The following STK3 variants were observed in gnomAD, a reference collection of about 807,000 sequenced individuals.
STK3 encodes the protein serine/threonine kinase 3, also known as serine/threonine-protein kinase 3.
Under a neutral mutation model 58.0 loss-of-function variants are expected in STK3, and 41 were observed. The observed-to-expected ratio is 0.71, with a 90% CI of 0.55 to 0.92. The LOEUF is 0.92. Ranked by LOEUF, STK3 falls within the 40% of genes least tolerant of loss-of-function variation. The probability of loss-of-function intolerance (pLI) is 0.00; values close to 1 mark genes in which losing one functional copy is unlikely to be tolerated. For synonymous variants in STK3, 170 were observed against 191.0 expected, an observed-to-expected ratio of 0.89 and a Z score of 0.91; for missense variants, 479 against 602.7, an observed-to-expected ratio of 0.79 and a Z score of 2.15.
chr8:98,889,014 C>T (rs1385092326), intron 1 of STK3, among the ~76,000 whole-genome samples: 1 of 152,214 alleles, frequency 6.6e-6, no homozygotes, highest in Admixed American at 6.5e-5. Flanking sequence ...CAGCCCTCCT[C>T]CCCTCCCACT....
intron 6 of STK3, among the ~76,000 whole-genome samples, chr8:98,612,197 T>C (rs1233187668): frequency 6.6e-6 from 1 of 150,810 alleles, no homozygotes; most frequent in Admixed American, 6.6e-5. Context: ...ATAGAGTAGA[T>C]GTACATTTTC....
chr8:98,413,877 C>T (rs1163023688), intron 3 of STK3: 8 of 485,534 alleles, frequency 1.6e-5, no homozygotes, highest in East Asian at 4.3e-5. Flanking sequence ...AGGGAGTTTT[C>T]GTAGGCATCC....
chr8:98,813,211 T>C (rs533630783), intron 1 of STK3, among the ~76,000 whole-genome samples: 6 of 152,116 alleles, frequency 3.9e-5, no homozygotes, highest in Non-Finnish European at 8.8e-5. Context: ...TACGAGTAAA[T>C]TCAGACAGAA....
At chr8:98,662,981 C>T (rs983754721) in intron 6 of STK3, among the ~76,000 whole-genome samples, 108 of 152,052 alleles carry the variant, frequency 7.1e-4, no homozygotes, top group Middle Eastern at 3.4e-3. Context: ...AAGGACTTCA[C>T]GTCTAAAACA....
chr8:98,913,208 G>A (rs1478020693), intron 1 of STK3, among the ~76,000 whole-genome samples: 2 of 151,050 alleles, frequency 1.3e-5, no homozygotes, highest in Non-Finnish European at 2.9e-5. Context: ...TTAAAAATGT[G>A]CAATAATATT....
At chr8:98,739,484 G>T (rs1243509598) in intron 4 of STK3, among the ~76,000 whole-genome samples, 1 of 149,872 alleles carries the variant, frequency 6.7e-6, no homozygotes, top group East Asian at 2.0e-4. Context: ...CAGGCAAACA[G>T]AGTCTGTAGT....
chr8:98,492,631 T>G (rs1295064608), intron 10 of STK3, among the ~76,000 whole-genome samples: 1 of 152,148 alleles, frequency 6.6e-6, no homozygotes, highest in Admixed American at 6.6e-5. Flanking sequence ...ATGGATTTTA[T>G]GGTTAGATAA....
chr8:98,685,197 A>T (rs975007306), intron 6 of STK3, among the ~76,000 whole-genome samples: 1 of 152,204 alleles, frequency 6.6e-6, no homozygotes, highest in African/African-American at 2.4e-5. Flanking sequence ...ATTCTTTCTC[A>T]GTAAGTATTA....
chr8:98,454,274 G>A (rs1819336839), downstream of STK3, among the ~76,000 whole-genome samples: 1 of 152,166 alleles, frequency 6.6e-6, no homozygotes. Context: ...GAAGTTAGGA[G>A]TGTCCATGTG....
chr8:98,870,966 A>C (rs1210399554), intron 3 of STK3, among the ~76,000 whole-genome samples: 1 of 152,126 alleles, frequency 6.6e-6, no homozygotes, highest in African/African-American at 2.4e-5. Flanking sequence ...TAGGGTTTTT[A>C]TGGTTTTAGG....
intron 6 of STK3, chr8:98,598,096 G>A (rs1169749463): frequency 1.0e-6 from 1 of 985,194 alleles, no homozygotes; most frequent in Non-Finnish European, 1.2e-6. Context: ...TATATAGACT[G>A]ACCTCAAACT....
intron 2 of STK3, among the ~76,000 whole-genome samples, chr8:98,434,520 A>G (rs1025951611): frequency 4.6e-5 from 7 of 152,222 alleles, no homozygotes; most frequent in African/African-American, 1.2e-4. Flanking sequence ...CATCCGGTCA[A>G]TGGTGCAGGT....
At chr8:98,865,498 C>T (rs1422671772) in intron 3 of STK3, among the ~76,000 whole-genome samples, 1 of 152,116 alleles carries the variant, frequency 6.6e-6, no homozygotes, top group Non-Finnish European at 1.5e-5. Context: ...TCCCAAGTAG[C>T]TAGAACTACA....
chr8:98,893,421 G>GAAAGAAA (rs1838280792), intron 1 of STK3, among the ~76,000 whole-genome samples: 2 of 60,490 alleles, frequency 3.3e-5, no homozygotes, highest in Non-Finnish European at 6.7e-5. Context: ...AAGGAAGGAA[G>GAAAGAAA]GAAAGAAAGA....
intron 1 of STK3, among the ~76,000 whole-genome samples, chr8:98,822,865 C>T (rs1376301715): frequency 1.3e-5 from 2 of 152,146 alleles, no homozygotes; most frequent in African/African-American, 4.8e-5. Context: ...GTTGTCTCTA[C>T]TAAAACACAA....
At chr8:98,602,796 A>G (rs1816462795) in intron 6 of STK3, among the ~76,000 whole-genome samples, 1 of 152,170 alleles carries the variant, frequency 6.6e-6, no homozygotes, top group Admixed American at 6.5e-5. Flanking sequence ...TTTTGGAAAT[A>G]GAAAGTAGAT....
chr8:98,734,165 A>G (rs934967643), intron 4 of STK3, among the ~76,000 whole-genome samples: 2 of 152,154 alleles, frequency 1.3e-5, no homozygotes, highest in South Asian at 4.1e-4. Context: ...CCATGATCCA[A>G]TCACCTCCCA....
intron 3 of STK3, among the ~76,000 whole-genome samples, chr8:98,405,039 G>A (rs1013038147): frequency 2.0e-5 from 3 of 152,094 alleles, no homozygotes; most frequent in Admixed American, 6.5e-5. Context: ...CCACATGACT[G>A]AACTTTCAGT....
At chr8:98,847,316 A>G (rs965268887) in intron 3 of STK3, among the ~76,000 whole-genome samples, 4 of 152,198 alleles carry the variant, frequency 2.6e-5, no homozygotes, top group Non-Finnish European at 5.9e-5. Context: ...ATTCTATAGC[A>G]TATACCTGTG....
Sources: gnomAD v4.1 joint callset for allele counts (sites outside exome capture counted in the v4.1 genomes callset) on GRCh38, gnomAD v4.1.1 for gene constraint, MANE v1.5 for transcripts, NCBI Gene and HGNC (gene_info 2026-07-23, HGNC 2026-07-21) for gene names.